The following ALKBH8 variants were observed in gnomAD, a reference collection of about 807,000 sequenced individuals.
The protein encoded by ALKBH8 is tRNA (carboxymethyluridine(34)-5-O)-methyltransferase ALKBH8.
A neutral mutation model predicts 59.8 loss-of-function variants in ALKBH8; 36 were observed. That is an observed-to-expected ratio of 0.60 (90% CI 0.46 to 0.79). ALKBH8 has a LOEUF of 0.79. ALKBH8 is among the 30% of genes least tolerant of loss of function. The pLI is 0.00. For missense variants in ALKBH8, 768 were observed against 801.0 expected (o/e 0.96, Z 0.50); for synonymous variants, 276 against 273.6 (o/e 1.01, Z -0.09).
At chr11:107,549,228 C>T (rs1864397061) in intron 7 of ALKBH8, among the ~76,000 whole-genome samples, 1 of 152,122 alleles carries the variant, frequency 6.6e-6, no homozygotes, top group African/African-American at 2.4e-5. Flanking sequence ...CTTTTAGTGG[C>T]TCAAGCAAAG....
chr11:107,548,090 T>C (rs1185147814), intron 7 of ALKBH8, among the ~76,000 whole-genome samples: 1 of 152,208 alleles, frequency 6.6e-6, no homozygotes, highest in East Asian at 1.9e-4. Context: ...ACAACTCTCC[T>C]GAAAACAAGG....
At chr11:107,515,522 A>G (rs1427422996) in intron 10 of ALKBH8, among the ~76,000 whole-genome samples, 2 of 152,036 alleles carry the variant, frequency 1.3e-5, no homozygotes, top group Non-Finnish European at 2.9e-5. Context: ...TGCCTGGCTA[A>G]TTTTTAAATT....
In ALKBH8 at chr11:107,556,961, G is replaced by A. The variant is rs145051723; in HGVS notation, c.172C>T (p.Arg58Trp). The A allele has an allele frequency of 4.9e-4, 784 of 1,608,272 alleles. No individual in the cohort carries two copies. The highest frequency in any genetic ancestry group is 5.4e-4 in the Admixed American group (32 of 59,292). Residue 58 changes from arginine to tryptophan, a missense_variant, in exon 3 of 12, where the codon CGG becomes TGG. By Grantham distance (101) the Arg-to-Trp change is moderately radical. Transcript: ENST00000428149. The part of the protein sequence containing the change: ...ANGGLGNGVS[R>W]NQLLPVLEKC... ...TCTAAAACCGGGAGCAGCTGGTTCCGACTCACACCATTACCCAAACCACCA... is the reference window on the plus strand; with the variant it reads ...TCTAAAACCGGGAGCAGCTGGTTCCAACTCACACCATTACCCAAACCACCA...
At chr11:107,526,861 T>C (rs533757) in intron 8 of ALKBH8, among the ~76,000 whole-genome samples, 73,103 of 151,656 alleles carry the variant, frequency 0.48, 18,492 homozygotes, top group Non-Finnish European at 0.56. Context: ...ATTGGTATCT[T>C]TGGCAAAAAT....
At chr11:107,535,457 A>G (rs1000810017) in intron 7 of ALKBH8, among the ~76,000 whole-genome samples, 1 of 152,074 alleles carries the variant, frequency 6.6e-6, no homozygotes, top group Admixed American at 6.5e-5. Flanking sequence ...TTCTCCCAGG[A>G]GTAAGGTGGC....
chr11:107,545,458 G>C, intron 7 of ALKBH8, among the ~76,000 whole-genome samples: 1 of 152,142 alleles, frequency 6.6e-6, no homozygotes, highest in Non-Finnish European at 1.5e-5. Flanking sequence ...ATAGGAGTCA[G>C]GCAGGACTCA....
rs765037755 is a variant in ALKBH8, at chr11:107,532,354, G to C, written c.824C>G (p.Pro275Arg). The stretch of plus-strand genomic sequence containing the variant: ...TGTCATCACCAGCAAACTCCGACGA[G>C]GCAACATAACTGGCACTGCAATGCC... ...PDGIAVPVMLPRRSLLVMTGE... is the reference protein window; with the variant it reads ...PDGIAVPVMLRRRSLLVMTGE... Residue 275 changes from proline to arginine, a missense_variant, in exon 8 of 12, where the codon CCT becomes CGT. Transcript: ENST00000428149. 6.2e-7 allele frequency: 1 copy of C among 1,613,564 alleles called. No individual in the cohort carries two copies. Among genetic ancestry groups the C allele is most frequent in the African/African-American group, 1.3e-5 (1 of 74,972 alleles).
At chr11:107,537,321 T>C (rs991500833) in intron 7 of ALKBH8, among the ~76,000 whole-genome samples, 7 of 152,174 alleles carry the variant, frequency 4.6e-5, no homozygotes, top group Non-Finnish European at 1.0e-4. Flanking sequence ...CCATCAATGA[T>C]AGACTAGAAC....
In ALKBH8 at chr11:107,525,007, C is replaced by T. The variant is rs544836632; in HGVS notation, c.1030+434G>A. Among the ~76,000 whole-genome samples the T allele has an allele frequency of 5.9e-5, 9 of 152,288 alleles. No individual in the cohort carries two copies. The East Asian group carries it at 1.5e-3, about 26-fold the overall frequency. On this transcript the variant is annotated intron_variant, in intron 9 of 11. Coordinates refer to ENST00000428149, the MANE Select transcript of ALKBH8 (RefSeq NM_138775.3). ...AAATTGACTAAAACATAAACTGTCG[C>T]TTATCTCCCTAGAGTTATGTACTAT...
In ALKBH8 at chr11:107,560,788, C is replaced by G. The variant is rs757509230; in HGVS notation, c.106G>C (p.Glu36Gln). 6.2e-7 allele frequency: 1 copy of G among 1,612,852 alleles called. No individual in the cohort carries two copies. Among genetic ancestry groups the G allele is most frequent in the Non-Finnish European group, 8.5e-7 (1 of 1,179,422 alleles). The change falls in exon 2 of 12, where the codon GAG becomes CAG. Residue 36 changes from glutamate (E) to glutamine (Q), a missense_variant. By Grantham distance (29) the Glu-to-Gln change is conservative. Transcript: ENST00000428149. ...ACCTGAGTGGCATAGGATACTGTCT[C>G]AATGCCTTCATGTCTCAGCAAAGTA... ...KHTLLRHEGI[E>Q]TVSYATQSLV... is the part of the protein sequence containing the mutation.
In ALKBH8 at chr11:107,504,698, T is replaced by A. The variant is rs758590359; in HGVS notation, c.1955A>T (p.Tyr652Phe). The A allele has an allele frequency of 3.4e-5, 53 of 1,550,856 alleles. No individual in the cohort carries two copies. In the South Asian group the frequency reaches 6.2e-4, roughly 18 times the overall value. The change falls in exon 12 of 12, where the codon TAC becomes TTC. Residue 652 changes from tyrosine to phenylalanine, a missense_variant. Physicochemically the swap from Tyr to Phe is conservative, Grantham distance 22. Transcript: ENST00000428149. ...AATCACACACCAGTTTCCTTGATCG[T>A]AGTAGCTTTGCAGAATTCTGACATC... Reference protein sequence around the residue: ...VSDVRILQSYYDQGNWCVILQ... With the variant: ...VSDVRILQSYFDQGNWCVILQ...
At chr11:107,531,688 G>A (rs1323949848) in intron 8 of ALKBH8, among the ~76,000 whole-genome samples, 1 of 152,184 alleles carries the variant, frequency 6.6e-6, no homozygotes, top group Non-Finnish European at 1.5e-5. Flanking sequence ...ACTGCACTGT[G>A]GTTTTATAGA....
In ALKBH8 at chr11:107,511,047, G is replaced by C. The variant is rs996886670; in HGVS notation, c.1288-11C>G. The C allele has an allele frequency of 3.9e-6, 6 of 1,550,700 alleles. No individual in the cohort carries two copies. In the Admixed American group the frequency reaches 5.9e-5, roughly 15 times the overall value. The stretch of plus-strand genomic sequence containing the variant: ...ACGATCACAACCAATCTGTAACAGA[G>C]AAGGAATTCCATAACATTTTGTTTA... On this transcript the variant is annotated splice_polypyrimidine_tract_variant and intron_variant, in intron 10 of 11. Coordinates refer to ENST00000428149, the MANE Select transcript of ALKBH8 (RefSeq NM_138775.3).
At position 107,502,833 on chromosome 11, in the gene ALKBH8, A is replaced by G. The variant is rs1484730473; in HGVS notation, c.*1825T>C. On this transcript the variant is annotated 3_prime_UTR_variant, in exon 12 of 12. Transcript: ENST00000428149. ...ATAATAATGAACATTTCTCAAAGCC[A>G]TACTATATTCTTACACTATCCTATG... 4 of 152,244 alleles carry G rather than the reference A, an allele frequency of 2.6e-5. No homozygotes were observed. The highest frequency in any genetic ancestry group is 1.5e-5 in the Non-Finnish European group (1 of 68,038). The allele number at this position is 152,244 out of a possible 1,614,324, so 9.4% of individuals were successfully genotyped here. A position where few individuals can be genotyped will look rare whatever the true frequency, so the allele number is the denominator to read the frequency against.
chr11:107,507,341 T>C (rs1862430242), intron 11 of ALKBH8, among the ~76,000 whole-genome samples: 1 of 152,128 alleles, frequency 6.6e-6, no homozygotes, highest in African/African-American at 2.4e-5. Flanking sequence ...AGGTTATATG[T>C]TAAAATAGGA....
chr11:107,510,428 A>T (rs1862573437), intron 11 of ALKBH8, among the ~76,000 whole-genome samples: 1 of 152,188 alleles, frequency 6.6e-6, no homozygotes, highest in Admixed American at 6.5e-5. Flanking sequence ...AGGAAGAAAA[A>T]CAGAATGGGA....
At chr11:107,543,056 C>A (rs1864110043) in intron 7 of ALKBH8, among the ~76,000 whole-genome samples, 1 of 152,130 alleles carries the variant, frequency 6.6e-6, no homozygotes, top group Non-Finnish European at 1.5e-5. Context: ...AGACAATGAG[C>A]TTTGATTTAG....
chr11:107,518,269 A>G (rs1862952850), intron 10 of ALKBH8, among the ~76,000 whole-genome samples: 4 of 152,154 alleles, frequency 2.6e-5, no homozygotes, highest in South Asian at 2.1e-4. Flanking sequence ...CTTTTCATCA[A>G]TTTTCTAAAT....
At chr11:107,550,260 T>C (rs545819004) in intron 6 of ALKBH8, among the ~76,000 whole-genome samples, 18 of 152,356 alleles carry the variant, frequency 1.2e-4, no homozygotes, top group Admixed American at 3.9e-4. Context: ...CAATTTACAT[T>C]AACTCAGCAC....
Sources: gnomAD v4.1 joint callset for allele counts (sites outside exome capture counted in the v4.1 genomes callset) on GRCh38, gnomAD v4.1.1 for gene constraint, MANE v1.5 for transcripts, NCBI Gene and HGNC (gene_info 2026-07-23, HGNC 2026-07-21) for gene names.